Variants in SGCD observed in about 807,000 individuals in gnomAD.
The protein encoded by SGCD is delta-sarcoglycan.
Under a neutral mutation model 36.6 loss-of-function variants are expected in SGCD, and 18 were observed. The ratio of observed to expected loss-of-function variants is 0.49; its 90% CI spans 0.34 to 0.73. SGCD has a LOEUF of 0.73. Among genes scored for constraint, SGCD ranks in the 30% least tolerant of loss-of-function variants. The pLI is 0.01. For missense variants in SGCD, 387 were observed against 346.7 expected, an observed-to-expected ratio of 1.12 and a Z score of -0.92; for synonymous variants, 133 against 130.6, an observed-to-expected ratio of 1.02 and a Z score of -0.12.
chr5:156,375,395 C>CTTT (rs60179274), intron 3 of SGCD, among the ~76,000 whole-genome samples: 4 of 110,732 alleles, frequency 3.6e-5, no homozygotes, highest in Admixed American at 9.3e-5. Context: ...TCCTTCACAG[C>CTTT]TTTTTTTTTT....
chr5:155,897,675 T>C, intron 1 of SGCD, among the ~76,000 whole-genome samples: 1 of 152,228 alleles, frequency 6.6e-6, no homozygotes, highest in East Asian at 1.9e-4. Flanking sequence ...TTTTTAATTT[T>C]TTTTTTACTT....
chr5:156,714,767 C>G (rs1476002312), intron 7 of SGCD, among the ~76,000 whole-genome samples: 2 of 152,184 alleles, frequency 1.3e-5, no homozygotes, highest in Non-Finnish European at 2.9e-5. Flanking sequence ...TTTGCTACAT[C>G]ATGTAGATCT....
the SGCD span, among the ~76,000 whole-genome samples, chr5:155,811,172 G>A: frequency 6.6e-6 from 1 of 152,022 alleles, no homozygotes; most frequent in African/African-American, 2.4e-5. Flanking sequence ...AGGTCCCAAG[G>A]AACTACCAAT....
intron 1 of SGCD, among the ~76,000 whole-genome samples, chr5:155,949,758 C>A (rs1224067756): frequency 6.6e-6 from 1 of 152,128 alleles, no homozygotes; most frequent in Non-Finnish European, 1.5e-5. Flanking sequence ...AGTGGCATAG[C>A]TGAGTAGTTG....
At chr5:156,134,891 A>G (rs1762419282) in intron 3 of SGCD, among the ~76,000 whole-genome samples, 1 of 151,586 alleles carries the variant, frequency 6.6e-6, no homozygotes, top group East Asian at 1.9e-4. Context: ...GCTTGACTGG[A>G]CTCCCTTGAG....
At chr5:156,708,398 T>C (rs1250719191) in intron 7 of SGCD, among the ~76,000 whole-genome samples, 1 of 152,164 alleles carries the variant, frequency 6.6e-6, no homozygotes, top group Non-Finnish European at 1.5e-5. Context: ...TTTTGTTTTA[T>C]TTTGGTTTTG....
At chr5:156,350,377 T>A (rs1043417077) in intron 3 of SGCD, among the ~76,000 whole-genome samples, 1 of 151,532 alleles carries the variant, frequency 6.6e-6, no homozygotes, top group East Asian at 2.0e-4. Flanking sequence ...TCAAACCCCC[T>A]GTGTAATGAC....
At chr5:156,553,900 G>A (rs1197048089) in intron 4 of SGCD, among the ~76,000 whole-genome samples, 1 of 152,098 alleles carries the variant, frequency 6.6e-6, no homozygotes, top group Non-Finnish European at 1.5e-5. Context: ...ACTATTATGA[G>A]CAATGCTACA....
At chr5:156,572,679 CAA>C (rs892119899) in intron 4 of SGCD, among the ~76,000 whole-genome samples, 17 of 152,130 alleles carry the variant, frequency 1.1e-4, no homozygotes, top group African/African-American at 4.1e-4. Flanking sequence ...CATTACTTTT[CAA>C]AGAGTGTGAA....
Position 155,893,055 on chromosome 5 carries a change from C to T in SGCD, c.-282+22631C>T, listed in dbSNP as rs147435189. ...GAATAACTTCCCATATTCCATTGCA[C>T]AGTAGAGTTACTATAATTAATAACA... On this transcript the variant is annotated intron_variant, in intron 1 of 9. Coordinates refer to the SGCD transcript ENST00000517913. Among the ~76,000 whole-genome samples the T allele has an allele frequency of 1.3e-3, 199 of 152,228 alleles. 3 individuals carry two copies. The East Asian group carries it at 0.033, about 26-fold the overall frequency.
chr5:156,493,785 T>C (rs1344537410), intron 3 of SGCD, among the ~76,000 whole-genome samples: 3 of 152,184 alleles, frequency 2.0e-5, no homozygotes, highest in Non-Finnish European at 4.4e-5. Flanking sequence ...ATTAAAACAA[T>C]CACTTCTGCT....
At chr5:155,874,231 A>G (rs954075123) in intron 1 of SGCD, among the ~76,000 whole-genome samples, 2 of 152,148 alleles carry the variant, frequency 1.3e-5, no homozygotes, top group African/African-American at 2.4e-5. Context: ...AGGTGATATG[A>G]AAGAAAGGAA....
intron 6 of SGCD, among the ~76,000 whole-genome samples, chr5:156,609,719 A>C (rs1581250257): frequency 6.6e-6 from 1 of 151,962 alleles, no homozygotes; most frequent in East Asian, 1.9e-4. Context: ...CATAGTCCCA[A>C]ATTTCTTGGA....
At chr5:155,970,446 G>A (rs549202274) in intron 1 of SGCD, among the ~76,000 whole-genome samples, 1 of 152,098 alleles carries the variant, frequency 6.6e-6, no homozygotes, top group Non-Finnish European at 1.5e-5. Context: ...TGATTCTAAG[G>A]TGCTAGAGTT....
At chr5:156,653,149 GAAT>G in intron 7 of SGCD, among the ~76,000 whole-genome samples, 1 of 152,032 alleles carries the variant, frequency 6.6e-6, no homozygotes, top group East Asian at 1.9e-4. Context: ...CGGTTTTTTG[GAAT>G]AATTTCAGTA....
intron 3 of SGCD, among the ~76,000 whole-genome samples, chr5:156,293,605 C>G (rs1262998581): frequency 6.6e-6 from 1 of 152,000 alleles, no homozygotes; most frequent in Admixed American, 6.6e-5. Context: ...ATATTGAAAC[C>G]TTTGTCAAAA....
chr5:156,582,164 G>C (rs36109033), intron 4 of SGCD, among the ~76,000 whole-genome samples: 1 of 152,252 alleles, frequency 6.6e-6, no homozygotes, highest in East Asian at 1.9e-4. Context: ...AGAAGGCTCA[G>C]GCTGTTGGAA....
chr5:156,705,100 T>C (rs1754686516), intron 7 of SGCD, among the ~76,000 whole-genome samples: 1 of 152,164 alleles, frequency 6.6e-6, no homozygotes, highest in African/African-American at 2.4e-5. Flanking sequence ...ATTCAGCAAA[T>C]TTTATTAAAA....
intron 3 of SGCD, among the ~76,000 whole-genome samples, chr5:156,479,321 C>T (rs1439939201): frequency 6.6e-6 from 1 of 152,042 alleles, no homozygotes; most frequent in Non-Finnish European, 1.5e-5. Flanking sequence ...GTCTTGAACT[C>T]CTGACCTCAA....
Sources: allele counts gnomAD v4.1 joint callset (sites outside exome capture counted in the v4.1 genomes callset), GRCh38; gene constraint gnomAD v4.1.1; transcripts MANE v1.5; gene names NCBI Gene and HGNC (gene_info 2026-07-23, HGNC 2026-07-21).